The following PDXDC1 variants were observed in gnomAD, a reference collection of about 807,000 sequenced individuals.
PDXDC1 encodes pyridoxal dependent decarboxylase domain containing 1.
PDXDC1 carries 42 observed loss-of-function variants against 100.1 expected under a neutral mutation model. The ratio of observed to expected loss-of-function variants is 0.42; its 90% CI spans 0.33 to 0.54. PDXDC1 has a LOEUF of 0.54. PDXDC1 is among the 20% of genes least tolerant of loss of function. The pLI is 0.10. For missense variants in PDXDC1, 636 were observed against 979.2 expected (o/e 0.65, Z 4.68); for synonymous variants, 260 against 371.7 (o/e 0.70, Z 3.46).
intron 16 of PDXDC1, among the ~76,000 whole-genome samples, chr16:15,092,002 C>T (rs1337287288): frequency 1.3e-5 from 2 of 152,040 alleles, no homozygotes; most frequent in Non-Finnish European, 2.9e-5. Context: ...CATGGTGAAA[C>T]CCTGCCTCTA....
the PDXDC1 span, among the ~76,000 whole-genome samples, chr16:15,150,520 T>G: frequency 6.6e-6 from 1 of 150,878 alleles, no homozygotes; most frequent in East Asian, 2.0e-4. Context: ...TTTTTAAAAA[T>G]TAGCCGGGCG....
intron 1 of PDXDC1, among the ~76,000 whole-genome samples, chr16:14,991,120 G>A (rs1970684901): frequency 2.0e-5 from 3 of 152,246 alleles, no homozygotes; most frequent in African/African-American, 4.8e-5. Flanking sequence ...ATTCACCTGG[G>A]GATTGTGAAT....
At chr16:15,005,593 TG>T (rs1974089419) in intron 5 of PDXDC1, among the ~76,000 whole-genome samples, 1 of 152,290 alleles carries the variant, frequency 6.6e-6, no homozygotes, top group Non-Finnish European at 1.5e-5. Context: ...AAAGGAGCAG[TG>T]TTCTGTTGTT....
At chr16:15,149,722 C>T in the PDXDC1 span, among the ~76,000 whole-genome samples, 1 of 152,150 alleles carries the variant, frequency 6.6e-6, no homozygotes, top group Non-Finnish European at 1.5e-5. Flanking sequence ...CAGTCCTGGA[C>T]CCCAGCATTT....
chr16:15,028,674 T>C (rs2042815533), intron 14 of PDXDC1, among the ~76,000 whole-genome samples: 1 of 152,304 alleles, frequency 6.6e-6, no homozygotes, highest in African/African-American at 2.4e-5. Flanking sequence ...AATAATTCTG[T>C]CTTATGTGAA....
Position 15,133,716 on chromosome 16 carries a change from C to A in PDXDC1, c.1400-5163C>A. 3 of 1,604,850 alleles carry A rather than the reference C, an allele frequency of 1.9e-6. No individual in the cohort carries two copies. The East Asian group carries it at 6.7e-5, about 36-fold the overall frequency. ...GCGTCATGCCAGCCTGAGGGACGGT[C>A]CCCATGGCATCACGGGAGGGCTCCG... On this transcript the variant is annotated intron_variant, in intron 16 of 16. Coordinates refer to the PDXDC1 transcript ENST00000535621.
chr16:15,139,382 TATAA>T (rs1374917585), downstream of PDXDC1: 1 of 63,668 alleles, frequency 1.6e-5, no homozygotes, highest in East Asian at 3.8e-4. Context: ...CTACGCAAAA[TATAA>T]ATAAAATTAG....
chr16:14,990,737 T>A (rs1970589303), intron 1 of PDXDC1, among the ~76,000 whole-genome samples: 1 of 152,268 alleles, frequency 6.6e-6, no homozygotes, highest in African/African-American at 2.4e-5. Context: ...CAAGAATGAT[T>A]TATTTATTTT....
chr16:15,033,934 G>A (rs2043229294), intron 19 of PDXDC1, among the ~76,000 whole-genome samples: 2 of 152,182 alleles, frequency 1.3e-5, no homozygotes, highest in Non-Finnish European at 2.9e-5. Flanking sequence ...GAGGGACCAA[G>A]GTAAGACTGC....
At chr16:15,074,603 C>T in intron 16 of PDXDC1, 1 of 694,402 alleles carries the variant, frequency 1.4e-6, no homozygotes, top group Non-Finnish European at 2.2e-6. Context: ...ATCTTAAACT[C>T]ATACTCAATA....
intron 16 of PDXDC1, among the ~76,000 whole-genome samples, chr16:15,071,606 A>G (rs1299377820): frequency 1.3e-5 from 2 of 152,110 alleles, no homozygotes; most frequent in Non-Finnish European, 2.9e-5. Flanking sequence ...TGTCTCTACT[A>G]AAAATACAAA....
chr16:15,038,039 C>T lies in PDXDC1; in HGVS notation c.*1764C>T, dbSNP rs765995536. 2 of 1,611,088 alleles carry T rather than the reference C, an allele frequency of 1.2e-6. No homozygotes were observed. The highest frequency in any genetic ancestry group is 1.1e-5 in the South Asian group (1 of 90,570). ...TTGGTAATTCATGTTTTTTAACTTC[C>T]TGGAGAAGAGATCTTTTCCCACAAG... is the stretch of plus-strand genomic sequence containing the variant. On this transcript the variant is annotated 3_prime_UTR_variant, in exon 23 of 23. Coordinates refer to ENST00000396410, the MANE Select transcript of PDXDC1 (RefSeq NM_015027.4).
intron 5 of PDXDC1, among the ~76,000 whole-genome samples, chr16:15,005,895 G>A: frequency 6.6e-6 from 1 of 152,276 alleles, no homozygotes; most frequent in East Asian, 1.9e-4. Flanking sequence ...CACCATGTTA[G>A]CTAGGCTAGT....
intron 16 of PDXDC1, chr16:15,094,298 C>G: frequency 7.2e-7 from 1 of 1,383,324 alleles, no homozygotes. Flanking sequence ...GCCACAGCCT[C>G]TGTCCCGGAA....
chr16:15,124,869 C>G (rs968315224), intron 16 of PDXDC1, among the ~76,000 whole-genome samples: 19 of 151,864 alleles, frequency 1.3e-4, no homozygotes, highest in African/African-American at 4.6e-4. Context: ...CTAGATTTGG[C>G]TGGGCATGGT....
In PDXDC1 at chr16:15,004,246, A is replaced by G. The variant is rs1200417673; in HGVS notation, c.302A>G (p.Tyr101Cys). The G allele has an allele frequency of 6.2e-7, 1 of 1,614,190 alleles. No individual in the cohort carries two copies. Among genetic ancestry groups the G allele is most frequent in the Non-Finnish European group, 8.5e-7 (1 of 1,180,000 alleles). ...MALLGHSLGA[Y>C]ISTLDKEKLR... ...TTGTTGGGACATAGTCTGGGAGCTT[A>G]TATTTCAACTCTGGACAAAGAGAAG... is the stretch of plus-strand genomic sequence containing the variant. Residue 101 changes from tyrosine to cysteine, a missense_variant, in exon 5 of 23, where the codon TAT (tyrosine) becomes TGT (cysteine). Physicochemically the swap from Tyr to Cys is radical, Grantham distance 194. Around this residue, in one of 4 missense-constraint regions of PDXDC1, gnomAD observed 125 missense variants for 479.9 expected, o/e 0.26. Coordinates refer to ENST00000396410, the MANE Select transcript of PDXDC1 (RefSeq NM_015027.4).
intron 16 of PDXDC1, chr16:15,127,831 T>C: frequency 1.3e-6 from 2 of 1,563,626 alleles, no homozygotes; most frequent in East Asian, 4.8e-5. Context: ...CCAGATGTGC[T>C]TGTCAAAGAA....
intron 3 of PDXDC1, among the ~76,000 whole-genome samples, chr16:14,999,159 C>G (rs987123650): frequency 4.6e-5 from 7 of 152,184 alleles, no homozygotes; most frequent in Admixed American, 4.6e-4. Flanking sequence ...CTCTGCCTCC[C>G]AGGTTCAAGT....
chr16:15,029,887 G>C, intron 15 of PDXDC1, 64 bp from the exon 16 acceptor site: 1 of 1,449,744 alleles, frequency 6.9e-7, no homozygotes, highest in South Asian at 1.2e-5. Context: ...AGGGGATGAG[G>C]GTGGGTCCTG....
Sources: allele counts gnomAD v4.1 joint callset (sites outside exome capture counted in the v4.1 genomes callset), GRCh38; gene constraint gnomAD v4.1.1; regional missense constraint gnomAD v4.1.1; transcripts MANE v1.5; gene names NCBI Gene and HGNC (gene_info 2026-07-23, HGNC 2026-07-21).